The following PSG8 variants were observed in gnomAD, a reference collection of about 807,000 sequenced individuals.
The protein encoded by PSG8 is pregnancy-specific beta-1-glycoprotein 8.
PSG8 carries 57 observed loss-of-function variants against 42.5 expected under a neutral mutation model. That is an observed-to-expected ratio of 1.34 (90% CI 1.08 to 1.67). PSG8 has a LOEUF of 1.67. PSG8 is among the 40% of genes most tolerant of loss of function. The probability of loss-of-function intolerance (pLI) is 0.00; values close to 1 mark genes in which losing one functional copy is unlikely to be tolerated. For synonymous variants in PSG8, 280 were observed against 196.8 expected (o/e 1.42, Z -3.54); for missense variants, 783 against 518.6 (o/e 1.51, Z -4.95).
At chr19:42,753,627 C>G (rs1431098603), downstream of PSG8, among the ~76,000 whole-genome samples, 1 of 152,132 alleles carries the variant, frequency 6.6e-6, no homozygotes, top group African/African-American at 2.4e-5. Context: ...TTTCTTTTCT[C>G]TAAGTTTTTA....
chr19:42,754,236 C>G lies in PSG8; in HGVS notation c.*59G>C, dbSNP rs144565871. On this transcript the variant is annotated 3_prime_UTR_variant, in exon 5 of 5. Transcript: ENST00000306511. ...TTGGGATTTGCTTGTGCCCATGGGA[C>G]GCAGGCTGGGAATAAAAATGTTTTC... 7 of 1,591,356 alleles carry G rather than the reference C, an allele frequency of 4.4e-6. No homozygotes were observed. In the East Asian group the frequency reaches 1.3e-4, roughly 31 times the overall value.
chr19:42,761,357 G>A (rs1970068229), intron 2 of PSG8, among the ~76,000 whole-genome samples: 1 of 152,164 alleles, frequency 6.6e-6, no homozygotes, highest in African/African-American at 2.4e-5. Context: ...GGTTATAGGA[G>A]GGAACTGAAT....
Position 42,764,244 on chromosome 19 carries a change from G to A in PSG8, c.102C>T (p.Ala34=). ...LLNFWNPPTT[A]QVTIEAQPTK... ...TTGGCTGGGCTTCAATCGTGACTTG[G>A]GCAGTCGTGGGTGGGTTCCAGAAGT... The change falls in exon 2 of 5, where the codon GCC becomes GCT. Residue 34 remains alanine, a synonymous_variant. Coordinates refer to ENST00000306511, the MANE Select transcript of PSG8 (RefSeq NM_182707.3). The A allele has an allele frequency of 6.2e-7, 1 of 1,613,672 alleles. No individual in the cohort carries two copies. The highest frequency in any genetic ancestry group is 8.5e-7 in the Non-Finnish European group (1 of 1,179,792).
At chr19:42,760,839 A>G (rs1348391421) in intron 2 of PSG8, among the ~76,000 whole-genome samples, 2 of 152,156 alleles carry the variant, frequency 1.3e-5, no homozygotes, top group African/African-American at 4.8e-5. Context: ...GGCCTCCGAA[A>G]GTGCTGGTAT....
intron 3 of PSG8, among the ~76,000 whole-genome samples, chr19:42,756,962 C>G (rs1410653456): frequency 4.6e-5 from 7 of 151,840 alleles, no homozygotes; most frequent in Non-Finnish European, 7.4e-5. Context: ...TTCCTCCAAT[C>G]CATGAAAATG....
At position 42,761,820 on chromosome 19, in the gene PSG8, A is replaced by ATTTTTTTTTTTTTT. The variant is rs58868359; in HGVS notation, c.430+2082_430+2095dup. On this transcript the variant is annotated intron_variant, in intron 2 of 4. Transcript: ENST00000306511. ...TTGACTAGAAACCAACATTTCAATA[A>ATTTTTTTTTTTTTT]TTTTTTTTTTTTTTTTTTTTTTTTT... Among the ~76,000 whole-genome samples the ATTTTTTTTTTTTTT allele has an allele frequency of 1.9e-3, 132 of 70,446 alleles. 2 individuals carry two copies. The highest frequency in any genetic ancestry group is 4.1e-3 in the East Asian group (8 of 1,928). The allele number at this position is 70,446 out of a possible 152,430, so 46.2% of individuals were successfully genotyped here. A position where few individuals can be genotyped will look rare whatever the true frequency, so the allele number is the denominator to read the frequency against.
At position 42,758,160 on chromosome 19, in the gene PSG8, C is replaced by G. The variant is rs753374011; in HGVS notation, c.551G>C (p.Gly184Ala). 1.2e-6 allele frequency: 2 copies of G among 1,614,006 alleles called. No individual in the cohort carries two copies. Among genetic ancestry groups the G allele is most frequent in the Non-Finnish European group, 1.7e-6 (2 of 1,179,980 alleles). Residue 184 changes from glycine to alanine, a missense_variant, in exon 3 of 5, where the codon GGT becomes GCT. Transcript: ENST00000306511. ...CCTGTGAGACATAGGGAGGCTCTGACCATTCATCCACCACAGGTAGCTTGC... is the reference window on the plus strand; with the variant it reads ...CCTGTGAGACATAGGGAGGCTCTGAGCATTCATCCACCACAGGTAGCTTGC... Reference protein sequence around the residue: ...PDASYLWWMNGQSLPMSHRLQ... With the variant: ...PDASYLWWMNAQSLPMSHRLQ...
intron 2 of PSG8, among the ~76,000 whole-genome samples, chr19:42,761,581 T>C (rs1970074446): frequency 6.6e-6 from 1 of 152,092 alleles, no homozygotes; most frequent in African/African-American, 2.4e-5. Context: ...AGTCATGTGG[T>C]CCCTACCTAG....
intron 2 of PSG8, chr19:42,758,557 T>A (rs138094966): frequency 1.3e-5 from 8 of 630,880 alleles, no homozygotes; most frequent in East Asian, 3.6e-5. Flanking sequence ...ACAGCCCCTG[T>A]TGCCTCTCTG....
chr19:42,765,486 T>C (rs7246055), intron 1 of PSG8, 32 bp downstream of exon 1: 5 of 1,608,106 alleles, frequency 3.1e-6, no homozygotes, highest in South Asian at 1.1e-5. Flanking sequence ...TGCTTCCTCC[T>C]CCTGTCCTCT....
downstream of PSG8, chr19:42,753,820 C>A (rs936614583): frequency 3.4e-5 from 15 of 435,360 alleles, no homozygotes; most frequent in African/African-American, 6.3e-5. Flanking sequence ...ACAAAGAGAG[C>A]AGATTGTTGC....
chr19:42,762,159 G>T lies in PSG8; in HGVS notation c.430+1757C>A, dbSNP rs557035333. ...AGGGAGTGTCTGGGGAAGGCCTAGG[G>T]GTGGGGGAAGAAGCTGTGCAGGACA... On this transcript the variant is annotated intron_variant, in intron 2 of 4. Coordinates refer to ENST00000306511, the MANE Select transcript of PSG8 (RefSeq NM_182707.3). Among the ~76,000 whole-genome samples, 91 of 151,828 alleles carry T rather than the reference G, an allele frequency of 6.0e-4. No homozygotes were observed. In the East Asian group the frequency reaches 0.014, roughly 24 times the overall value.
At position 42,754,542 on chromosome 19, in the gene PSG8, C is replaced by G. The variant is rs148019273; in HGVS notation, c.1034G>C (p.Arg345Pro). The G allele has an allele frequency of 6.2e-7, 1 of 1,613,510 alleles. No individual in the cohort carries two copies. The highest frequency in any genetic ancestry group is 1.3e-5 in the African/African-American group (1 of 74,850). The part of the protein sequence containing the change: ...PRIYPSFTYY[R>P]SGEVLYLSCS... ...GGACAAGTAGAGGACTTCTCCTGAA[C>G]GGTAATAGGTGAATGAAGGGTAAAT... is the stretch of plus-strand genomic sequence containing the variant. The change falls in exon 5 of 5, where the codon CGT (arginine) becomes CCT (proline). Residue 345 changes from arginine (R) to proline (P), a missense_variant. Arg to Pro is a moderately radical substitution (Grantham distance 103). Transcript: ENST00000306511.
chr19:42,757,918 C>A, intron 3 of PSG8, 84 bp downstream of exon 3: 1 of 1,613,486 alleles, frequency 6.2e-7, no homozygotes, highest in African/African-American at 1.3e-5. Context: ...TGTACTTGGA[C>A]CTGAGAGGGA....
chr19:42,765,541 G>T lies in PSG8; in HGVS notation c.41C>A (p.Thr14Asn), dbSNP rs142949326. The T allele has an allele frequency of 3.1e-6, 5 of 1,611,368 alleles. No homozygotes were observed. The highest frequency in any genetic ancestry group is 4.2e-6 in the Non-Finnish European group (5 of 1,178,248). The change falls in exon 1 of 5, where the codon ACC (threonine) becomes AAC (asparagine). Residue 14 changes from threonine (T) to asparagine (N), a missense_variant. Transcript: ENST00000306511. ...ACCTGTGAGCAGGAGCCCCTTCCAG[G>T]TGATGCGCTGTGTGCAGGGAGGGGC... ...LSAPPCTQRI[T>N]WKGLLLTASL...
chr19:42,752,790 C>G (rs1393041090), downstream of PSG8: 2 of 176,818 alleles, frequency 1.1e-5, no homozygotes, highest in African/African-American at 2.4e-5. Context: ...ACAGAATGTG[C>G]ATTTAAAGGG....
intron 2 of PSG8, among the ~76,000 whole-genome samples, chr19:42,759,493 G>A (rs1379500455): frequency 6.6e-6 from 1 of 151,990 alleles, no homozygotes; most frequent in Non-Finnish European, 1.5e-5. Flanking sequence ...TTTTGTTTTG[G>A]AATATTTGCA....
rs566394046 is a variant in PSG8 at position 42,758,000 on chromosome 19, A to G, written c.709+2T>C. On this transcript the variant is annotated splice_donor_variant, in intron 3 of 4. Coordinates refer to ENST00000306511, the MANE Select transcript of PSG8 (RefSeq NM_182707.3). LOFTEE classifies it high-confidence loss of function. Reference sequence around the variant, plus strand: ...GCTCACAGAGGAACAGAAAATACTCACGGAGGAGATTCAGGGTGAATGGGT... The same window carrying G: ...GCTCACAGAGGAACAGAAAATACTCGCGGAGGAGATTCAGGGTGAATGGGT... 1.2e-5 allele frequency: 19 copies of G among 1,613,970 alleles called. No homozygotes were observed. In the Admixed American group the frequency reaches 3.2e-4, roughly 27 times the overall value.
In PSG8 at chr19:42,764,157, A is replaced by T; in HGVS notation, c.189T>A (p.Thr63=). ...TTTGCCCTTTGTACCAGATGTAGCC[A>T]GTAAGATTCTGGGGCAAATTGTGGA... The part of the protein sequence containing the change: ...LLVHNLPQNL[T]GYIWYKGQIR... The change falls in exon 2 of 5, where the codon ACT becomes ACA. Residue 63 remains threonine (T), a synonymous_variant. Coordinates refer to ENST00000306511, the MANE Select transcript of PSG8 (RefSeq NM_182707.3). The T allele has an allele frequency of 1.2e-6, 2 of 1,613,930 alleles. No individual in the cohort carries two copies. The highest frequency in any genetic ancestry group is 1.7e-6 in the Non-Finnish European group (2 of 1,179,910).
Sources: allele counts gnomAD v4.1 joint callset (sites outside exome capture counted in the v4.1 genomes callset), GRCh38; gene constraint gnomAD v4.1.1; transcripts MANE v1.5; gene names NCBI Gene and HGNC (gene_info 2026-07-23, HGNC 2026-07-21).